The following MTMR8 variants were observed in gnomAD, a reference collection of about 807,000 sequenced individuals.
MTMR8 encodes myotubularin related protein 8.
MTMR8 carries 65 observed loss-of-function variants against 39.3 expected under a neutral mutation model. The ratio of observed to expected loss-of-function variants is 1.65; its 90% CI spans 1.35 to 2.03. The LOEUF is 2.03. Ranked by LOEUF, MTMR8 falls within the 30% of genes most tolerant of loss-of-function variation. MTMR8 has a pLI of 0.00. For synonymous variants in MTMR8, 245 were observed against 185.2 expected, an observed-to-expected ratio of 1.32 and a Z score of -2.62; for missense variants, 777 against 538.9, an observed-to-expected ratio of 1.44 and a Z score of -4.37.
At chrX:64,327,768 T>C (rs917117183) in intron 12 of MTMR8, among the ~76,000 whole-genome samples, 2 of 112,064 alleles carry the variant, frequency 1.8e-5, no homozygotes, top group African/African-American at 6.5e-5. Flanking sequence ...AGCCAAGATA[T>C]GAAGTCAACC....
chrX:64,322,329 C>A (rs1279333297), intron 12 of MTMR8, among the ~76,000 whole-genome samples: 1 of 110,892 alleles, frequency 9.0e-6, no homozygotes, highest in African/African-American at 3.3e-5. Context: ...AGGATTTTTG[C>A]ATTCATGTTC....
chrX:64,311,477 A>G (rs1243542337), intron 12 of MTMR8, among the ~76,000 whole-genome samples: 1 of 111,559 alleles, frequency 9.0e-6, no homozygotes, highest in African/African-American at 3.3e-5. Flanking sequence ...TTCTTTTGCC[A>G]TGCAGAAGCC....
intron 12 of MTMR8, among the ~76,000 whole-genome samples, chrX:64,281,087 T>C (rs1169274979): frequency 8.9e-6 from 1 of 111,766 alleles, no homozygotes; most frequent in African/African-American, 3.2e-5. Flanking sequence ...TCCTCATGGA[T>C]AGGAAGAATC....
chrX:64,305,584 C>T, intron 12 of MTMR8: 2 of 498,248 alleles, frequency 4.0e-6, no homozygotes, highest in Admixed American at 2.4e-5. Flanking sequence ...TTGCTCACAG[C>T]TTGAGGTGCA....
chrX:64,293,429 A>T (rs1428430882), intron 12 of MTMR8, among the ~76,000 whole-genome samples: 1 of 111,507 alleles, frequency 9.0e-6, no homozygotes, highest in East Asian at 2.8e-4. Flanking sequence ...AAGGGGTTAC[A>T]TTGGACCCTA....
In MTMR8 at chrX:64,386,354, G is replaced by C. The variant is rs912288876; in HGVS notation, c.24+8986C>G. Among the ~76,000 whole-genome samples the C allele has an allele frequency of 2.5e-4, 28 of 111,796 alleles. No individual in the cohort carries two copies. In the Admixed American group the frequency reaches 2.7e-3, roughly 11 times the overall value. Reference sequence around the variant, plus strand: ...AGATGCAAGTGAAGTCAGCTACAAGGGGCCAGCTATAGAAAGGAGGGAGCA... The same window carrying C: ...AGATGCAAGTGAAGTCAGCTACAAGCGGCCAGCTATAGAAAGGAGGGAGCA... On this transcript the variant is annotated intron_variant, in intron 1 of 13. Transcript: ENST00000374852.
chrX:64,368,638 C>T (rs1360117402), intron 1 of MTMR8, among the ~76,000 whole-genome samples: 1 of 111,993 alleles, frequency 8.9e-6, no homozygotes, highest in Non-Finnish European at 1.9e-5. Flanking sequence ...AAATGTTAGA[C>T]CTAAAGCCAT....
chrX:64,305,538 A>G (rs1922080736), intron 12 of MTMR8: 1 of 400,373 alleles, frequency 2.5e-6, no homozygotes, highest in Admixed American at 3.2e-5. Context: ...ATAATTCACA[A>G]CTACTTCTGT....
At chrX:64,378,744 A>G (rs867518088) in intron 1 of MTMR8, among the ~76,000 whole-genome samples, 29 of 112,251 alleles carry the variant, frequency 2.6e-4, no homozygotes, top group Middle Eastern at 4.6e-3. Flanking sequence ...AAAACTAAAA[A>G]ATACAAGAGC....
intron 12 of MTMR8, among the ~76,000 whole-genome samples, chrX:64,296,574 T>G (rs984815399): frequency 9.9e-5 from 7 of 70,579 alleles, no homozygotes; most frequent in African/African-American, 1.4e-4. Context: ...CCTATGCTGG[T>G]TTTTTTTTTT....
At chrX:64,310,948 C>T (rs1180705322) in intron 12 of MTMR8, among the ~76,000 whole-genome samples, 1 of 111,577 alleles carries the variant, frequency 9.0e-6, no homozygotes, top group African/African-American at 3.3e-5. Context: ...GTGAATAGTG[C>T]CACAATATAC....
chrX:64,331,811 A>C, intron 10 of MTMR8, 54 bp from the exon 11 acceptor site: 3 of 1,025,563 alleles, frequency 2.9e-6, no homozygotes, highest in Non-Finnish European at 4.1e-6. Flanking sequence ...TAAGGATTAC[A>C]CTGTTGGGAA....
intron 12 of MTMR8, among the ~76,000 whole-genome samples, chrX:64,304,181 G>T (rs1025271646): frequency 8.9e-6 from 1 of 112,039 alleles, no homozygotes; most frequent in African/African-American, 3.2e-5. Context: ...TTACAGGGGC[G>T]GGGAGGAAAA....
chrX:64,349,785 C>T (rs1399030856), intron 5 of MTMR8, among the ~76,000 whole-genome samples, 157 bp downstream of exon 5: 1 of 111,813 alleles, frequency 8.9e-6, no homozygotes, highest in African/African-American at 3.2e-5. Flanking sequence ...CATATTATTC[C>T]TACTGAGATC....
intron 12 of MTMR8, among the ~76,000 whole-genome samples, chrX:64,296,451 G>A (rs1475534684): frequency 9.1e-6 from 1 of 110,144 alleles, no homozygotes; most frequent in Non-Finnish European, 1.9e-5. Context: ...TGGTTAAAAT[G>A]GTAAATTTTA....
At chrX:64,329,264 A>G (rs1478326794) in intron 11 of MTMR8, among the ~76,000 whole-genome samples, 1 of 111,470 alleles carries the variant, frequency 9.0e-6, no homozygotes, top group Non-Finnish European at 1.9e-5. Context: ...TTCCAAATCA[A>G]GGATTTTATG....
At chrX:64,269,831 C>T (rs748666357) in intron 13 of MTMR8, among the ~76,000 whole-genome samples, 2 of 111,544 alleles carry the variant, frequency 1.8e-5, no homozygotes, top group East Asian at 2.8e-4. Context: ...TTATCAGCAG[C>T]TTTGTTTTTC....
intron 1 of MTMR8, among the ~76,000 whole-genome samples, chrX:64,390,482 G>T (rs1055772711): frequency 9.0e-6 from 1 of 111,595 alleles, no homozygotes; most frequent in Non-Finnish European, 1.9e-5. Context: ...AAAAGACAAT[G>T]CTACCTCTGC....
chrX:64,391,540 C>A (rs924596783), intron 1 of MTMR8, among the ~76,000 whole-genome samples: 2 of 111,761 alleles, frequency 1.8e-5, no homozygotes, highest in African/African-American at 6.5e-5. Flanking sequence ...CATCTCATCA[C>A]CTTACTTAAG....
Sources: gnomAD v4.1 joint callset for allele counts (sites outside exome capture counted in the v4.1 genomes callset) on GRCh38, gnomAD v4.1.1 for gene constraint, MANE v1.5 for transcripts, NCBI Gene and HGNC (gene_info 2026-07-23, HGNC 2026-07-21) for gene names.